The following TSC22D2 variants were observed in gnomAD, a reference collection of about 807,000 sequenced individuals.
The protein encoded by TSC22D2 is TSC22 domain family member 2.
TSC22D2 carries 5 observed loss-of-function variants against 50.1 expected under a neutral mutation model. That is an observed-to-expected ratio of 0.10 (90% CI 0.05 to 0.21). The LOEUF is 0.21. Ranked by LOEUF, TSC22D2 falls within the 10% of genes least tolerant of loss-of-function variation. The pLI is 1.00. For missense variants in TSC22D2, 1,003 were observed against 1,015.5 expected (o/e 0.99, Z 0.17); for synonymous variants, 501 against 450.1 (o/e 1.11, Z -1.43).
Position 150,410,471 on chromosome 3 carries a change from C to T in TSC22D2, c.1121C>T (p.Pro374Leu), listed in dbSNP as rs938692985. The change falls in exon 1 of 3, where the codon CCC becomes CTC. Residue 374 changes from proline (P) to leucine (L), a missense_variant. Pro to Leu is a moderately conservative substitution (Grantham distance 98). This residue lies in a region of TSC22D2 where 696 missense variants were observed against 647.8 expected (regional missense o/e 1.07). Transcript: ENST00000688009. ...CCCGGACATTTGCTGCCCGTCCAGC[C>T]CTCCGGCCAGAGTGAGTACCTGCAG... ...IPPGHLLPVQPSGQSEYLQQH... is the reference protein window; with the variant it reads ...IPPGHLLPVQLSGQSEYLQQH... 9.3e-6 allele frequency: 15 copies of T among 1,608,182 alleles called. No homozygotes were observed. In the African/African-American group the frequency reaches 1.2e-4, roughly 13 times the overall value.
chr3:150,423,648 A>T (rs1168327042), intron 1 of TSC22D2, among the ~76,000 whole-genome samples: 1 of 152,156 alleles, frequency 6.6e-6, no homozygotes, highest in Non-Finnish European at 1.5e-5. Flanking sequence ...AGCCCCTAAA[A>T]CAGTTTGCTT....
At chr3:150,431,697 C>A (rs1318724043) in intron 1 of TSC22D2, among the ~76,000 whole-genome samples, 1 of 152,112 alleles carries the variant, frequency 6.6e-6, no homozygotes. Flanking sequence ...TGCCTAAAAT[C>A]CAGCTGAAAC....
At chr3:150,451,606 A>G (rs950908786) in intron 1 of TSC22D2, among the ~76,000 whole-genome samples, 39 of 152,186 alleles carry the variant, frequency 2.6e-4, no homozygotes, top group African/African-American at 9.2e-4. Context: ...TATGGAAGAA[A>G]ATATGTGTGT....
chr3:150,421,746 T>G (rs1720018097), intron 1 of TSC22D2, among the ~76,000 whole-genome samples: 1 of 152,194 alleles, frequency 6.6e-6, no homozygotes, highest in South Asian at 2.1e-4. Context: ...ACCCCAGAAT[T>G]GCCATGTTGT....
rs193236012 is a variant in TSC22D2, at chr3:150,415,033, A to G, written c.1958+3725A>G. ...TAGTAGTAAAAATGTAAATTCGTAT[A>G]TATGTGTCATTATTGTTTAGCATAA... On this transcript the variant is annotated intron_variant, in intron 1 of 2. Transcript: ENST00000688009. Among the ~76,000 whole-genome samples the G allele has an allele frequency of 1.2e-3, 186 of 151,742 alleles. 1 individual carries two copies. The South Asian group carries it at 0.023, about 19-fold the overall frequency.
At chr3:150,422,166 C>A (rs1205340925) in intron 1 of TSC22D2, among the ~76,000 whole-genome samples, 2 of 152,168 alleles carry the variant, frequency 1.3e-5, no homozygotes, top group African/African-American at 4.8e-5. Flanking sequence ...ACAGCATGGG[C>A]TAAGAATTTT....
chr3:150,416,197 C>G (rs1719793023), intron 1 of TSC22D2, among the ~76,000 whole-genome samples: 1 of 152,152 alleles, frequency 6.6e-6, no homozygotes, highest in African/African-American at 2.4e-5. Context: ...GAATGGTGTT[C>G]TAATTCTTTC....
chr3:150,450,164 A>G (rs558745316), intron 1 of TSC22D2, among the ~76,000 whole-genome samples: 1 of 152,248 alleles, frequency 6.6e-6, no homozygotes, highest in Admixed American at 6.5e-5. Context: ...TTTACTGGCT[A>G]GCCATTTGAC....
intron 1 of TSC22D2, among the ~76,000 whole-genome samples, chr3:150,436,219 T>C (rs542055522): frequency 3.3e-5 from 5 of 152,330 alleles, no homozygotes; most frequent in African/African-American, 9.6e-5. Flanking sequence ...ATTTGTGTAA[T>C]GTATACACCC....
chr3:150,440,859 TA>T (rs1720691623), intron 1 of TSC22D2, among the ~76,000 whole-genome samples: 1 of 151,964 alleles, frequency 6.6e-6, no homozygotes, highest in African/African-American at 2.4e-5. Context: ...GTATTAATAA[TA>T]AAAGGTTGAA....
At chr3:150,431,467 G>T (rs1720379843) in intron 1 of TSC22D2, among the ~76,000 whole-genome samples, 1 of 152,040 alleles carries the variant, frequency 6.6e-6, no homozygotes, top group Non-Finnish European at 1.5e-5. Context: ...CGAAGAGCCA[G>T]TATAGGTTCA....
intron 1 of TSC22D2, among the ~76,000 whole-genome samples, chr3:150,449,851 T>C (rs1720989443): frequency 6.6e-6 from 1 of 152,140 alleles, no homozygotes; most frequent in Non-Finnish European, 1.5e-5. Context: ...ATTTTTATTT[T>C]ATGATTCAGA....
chr3:150,423,278 C>T, intron 1 of TSC22D2: 3 of 460,426 alleles, frequency 6.5e-6, no homozygotes, highest in Non-Finnish European at 1.1e-5. Context: ...ACCAAAAGGA[C>T]AATCTCTATT....
Position 150,458,750 on chromosome 3 carries a change from G to A in TSC22D2, c.*114G>A. Reference sequence around the variant, plus strand: ...TAGCCATGCTTTGGTTGTGTGTTTGGCCTTTTCAGTATTAGACAATCATTC... The same window carrying A: ...TAGCCATGCTTTGGTTGTGTGTTTGACCTTTTCAGTATTAGACAATCATTC... On this transcript the variant is annotated 3_prime_UTR_variant, in exon 3 of 3. Transcript: ENST00000688009. The A allele has an allele frequency of 7.3e-7, 1 of 1,377,416 alleles. No homozygotes were observed. The highest frequency in any genetic ancestry group is 9.9e-7 in the Non-Finnish European group (1 of 1,011,582). 85.3% of individuals were successfully genotyped at this position (1,377,416 alleles called of 1,614,324 possible).
Position 150,410,607 on chromosome 3 carries a change from T to C in TSC22D2, c.1257T>C (p.Ala419=), listed in dbSNP as rs1190573747. Residue 419 remains alanine, a synonymous_variant, in exon 1 of 3, where the codon GCT becomes GCC. Transcript: ENST00000688009. ...ATLPVGTGQN[A]SSVGAQLMGA... ...TTCCCGTGGGCACCGGCCAGAATGC[T>C]TCCTCGGTGGGCGCGCAGCTCATGG... 1.3e-6 allele frequency: 2 copies of C among 1,558,904 alleles called. No homozygotes were observed. The highest frequency in any genetic ancestry group is 2.4e-5 in the East Asian group (1 of 41,926).
Position 150,411,111 on chromosome 3 carries a change from A to G in TSC22D2, c.1761A>G (p.Leu587=), listed in dbSNP as rs1208302446. 6.2e-7 allele frequency: 1 copy of G among 1,614,052 alleles called. No individual in the cohort carries two copies. Among genetic ancestry groups the G allele is most frequent in the Non-Finnish European group, 8.5e-7 (1 of 1,180,032 alleles). Residue 587 remains leucine (L), a synonymous_variant, in exon 1 of 3, where the codon TTA becomes TTG. Transcript: ENST00000688009. The part of the protein sequence containing the change: ...LSQFQTQTQP[L]VGQVDDTRRK... ...AGTTTCAAACTCAGACCCAGCCTTT[A>G]GTCGGGCAAGTCGACGATACTAGAA...
At chr3:150,420,988 C>A (rs757205805) in intron 1 of TSC22D2, among the ~76,000 whole-genome samples, 1 of 152,142 alleles carries the variant, frequency 6.6e-6, no homozygotes, top group Non-Finnish European at 1.5e-5. Flanking sequence ...GAGGCTGAGG[C>A]GGGAGGATCA....
At chr3:150,422,748 A>C (rs948829030) in intron 1 of TSC22D2, among the ~76,000 whole-genome samples, 1 of 152,186 alleles carries the variant, frequency 6.6e-6, no homozygotes, top group African/African-American at 2.4e-5. Flanking sequence ...TTAGGCTATG[A>C]ATTTGTCACA....
chr3:150,449,357 G>A (rs2903834), intron 1 of TSC22D2, among the ~76,000 whole-genome samples: 84,604 of 151,886 alleles, frequency 0.56, 23,833 homozygotes, highest in Middle Eastern at 0.75. Context: ...AAATGTAGTA[G>A]AAGTACTCTT....
Sources: gnomAD v4.1 joint callset for allele counts (sites outside exome capture counted in the v4.1 genomes callset) on GRCh38, gnomAD v4.1.1 for gene constraint, gnomAD v4.1.1 regional missense constraint, MANE v1.5 for transcripts, NCBI Gene and HGNC (gene_info 2026-07-23, HGNC 2026-07-21) for gene names.